PA2G4: variants seen among roughly 807,000 people sequenced by gnomAD.
PA2G4 encodes proliferation-associated protein 2G4.
A neutral mutation model predicts 53.3 loss-of-function variants in PA2G4; 8 were observed. That is an observed-to-expected ratio of 0.15 (90% CI 0.09 to 0.27). PA2G4 has a LOEUF of 0.27. Among genes scored for constraint, PA2G4 ranks in the 10% least tolerant of loss-of-function variants. The probability of loss-of-function intolerance (pLI) is 1.00; values close to 1 mark genes in which losing one functional copy is unlikely to be tolerated. For synonymous variants in PA2G4, 143 were observed against 169.8 expected (o/e 0.84, Z 1.23); for missense variants, 208 against 486.8 (o/e 0.43, Z 5.39).
chr12:56,109,752 G>A (rs1316114875), intron 6 of PA2G4, 105 bp from the exon 7 acceptor site: 3 of 770,080 alleles, frequency 3.9e-6, no homozygotes, highest in South Asian at 1.5e-5. Context: ...TCCATAACCA[G>A]GTAGTTGTCT....
Position 56,112,880 on chromosome 12 carries a change from G to C in PA2G4, c.1177G>C (p.Gly393Arg). Residue 393 changes from glycine to arginine, a missense_variant, in exon 13 of 13, where the codon GGG becomes CGG. Gly to Arg is a moderately radical substitution (Grantham distance 125). Coordinates refer to ENST00000303305, the MANE Select transcript of PA2G4 (RefSeq NM_006191.3). Reference sequence around the variant, plus strand: ...GGAAACATTAGAAGAAAATGAAGCTGGGGACTGAGGTGGGTCCCATCTCCC... The same window carrying C: ...GGAAACATTAGAAGAAAATGAAGCTCGGGACTGAGGTGGGTCCCATCTCCC... ...SGETLEENEA[G>R]D is the part of the protein sequence containing the mutation. 1 of 1,568,752 alleles carries C rather than the reference G, an allele frequency of 6.4e-7. No homozygotes were observed. The highest frequency in any genetic ancestry group is 8.6e-7 in the Non-Finnish European group (1 of 1,163,306).
At chr12:56,112,070 C>T (rs1421616370) in intron 12 of PA2G4, among the ~76,000 whole-genome samples, 3 of 152,138 alleles carry the variant, frequency 2.0e-5, no homozygotes. Flanking sequence ...GCCGAGATCG[C>T]ACCATTGCGC....
intron 2 of PA2G4, 130 bp downstream of exon 2, chr12:56,106,846 G>A (rs78341715): frequency 8.3e-5 from 110 of 1,320,054 alleles, no homozygotes; most frequent in Non-Finnish European, 1.1e-4. Context: ...ATTTGGAATG[G>A]CAAGTGGGAT....
At chr12:56,106,316 C>T in intron 1 of PA2G4, 1 of 293,196 alleles carries the variant, frequency 3.4e-6, no homozygotes, top group Non-Finnish European at 6.3e-6. Flanking sequence ...GTGGGGATAC[C>T]ATGGCAAGAA....
chr12:56,110,967 A>G lies in PA2G4; in HGVS notation c.846A>G (p.Ala282=), dbSNP rs1869409325. 1.9e-6 allele frequency: 3 copies of G among 1,612,354 alleles called. No homozygotes were observed. Among genetic ancestry groups the G allele is most frequent in the Non-Finnish European group, 2.5e-6 (3 of 1,179,666 alleles). ...RFDAMPFTLR[A]FEDEKKARMG... is the part of the protein sequence containing the mutation. ...TGAATATCATCTTCCCTGCCAGAGC[A>G]TTTGAAGATGAGAAGAAGGCTCGGA... The change falls in exon 10 of 13, where the codon GCA becomes GCG. Residue 282 remains alanine, a synonymous_variant. Transcript: ENST00000303305.
intron 12 of PA2G4, among the ~76,000 whole-genome samples, 155 bp from the exon 13 acceptor site, chr12:56,112,668 A>T (rs1289330802): frequency 6.6e-6 from 1 of 152,094 alleles, no homozygotes; most frequent in Non-Finnish European, 1.5e-5. Flanking sequence ...AGGTGAGAGG[A>T]TCACCTGAGC....
Position 56,107,616 on chromosome 12 carries a change from A to G in PA2G4, c.486+3A>G. ...GCCTGGTCAAACCTGGAAATCAGGTAAGCTATTTTATCCAATTCCAAAGCT... is the reference window on the plus strand; with the variant it reads ...GCCTGGTCAAACCTGGAAATCAGGTGAGCTATTTTATCCAATTCCAAAGCT... On this transcript the variant is annotated splice_donor_region_variant and intron_variant, in intron 5 of 12. Coordinates refer to ENST00000303305, the MANE Select transcript of PA2G4 (RefSeq NM_006191.3). 1 of 1,606,908 alleles carries G rather than the reference A, an allele frequency of 6.2e-7. No individual in the cohort carries two copies. Among genetic ancestry groups the G allele is most frequent in the Non-Finnish European group, 8.5e-7 (1 of 1,173,444 alleles).
chr12:56,111,407 A>G (rs1592236510), intron 11 of PA2G4, 69 bp from the exon 12 acceptor site: 2 of 1,604,852 alleles, frequency 1.2e-6, no homozygotes, highest in East Asian at 4.5e-5. Context: ...TGCAGTACTG[A>G]AAGTAACCCT....
In PA2G4 at chr12:56,109,385, T is replaced by A. The variant is rs1869370292; in HGVS notation, c.550+92T>A. ...CTGTAATCCCAGAACTTTGGGAGGCTGAGGTGGGCGGATCACCTGAGGTCA... is the reference window on the plus strand; with the variant it reads ...CTGTAATCCCAGAACTTTGGGAGGCAGAGGTGGGCGGATCACCTGAGGTCA... On this transcript the variant is annotated intron_variant, in intron 6 of 12. Coordinates refer to ENST00000303305, the MANE Select transcript of PA2G4 (RefSeq NM_006191.3). 89 of 890,658 alleles carry A rather than the reference T, an allele frequency of 1.0e-4. 1 individual carries two copies. The South Asian group carries it at 1.2e-3, about 12-fold the overall frequency. The allele number at this position is 890,658 out of a possible 1,614,324, so 55.2% of individuals were successfully genotyped here. A position where few individuals can be genotyped will look rare whatever the true frequency, so the allele number is the denominator to read the frequency against.
intron 12 of PA2G4, 78 bp from the exon 13 acceptor site, chr12:56,112,745 A>G: frequency 1.0e-6 from 1 of 991,742 alleles, no homozygotes; most frequent in Non-Finnish European, 1.5e-6. Flanking sequence ...AAAAAAAAAT[A>G]CTTTTATCTC....
chr12:56,107,060 G>C lies in PA2G4; in HGVS notation c.288G>C (p.Gln96His). Residue 96 changes from glutamine to histidine, a missense_variant, in exon 3 of 13, where the codon CAG (glutamine) becomes CAC (histidine). Physicochemically the swap from Gln to His is conservative, Grantham distance 24. Transcript: ENST00000303305. ...ACTTCTCCCCTTTGAAGAGCGACCAGGATTATATTCTCAAGGAAGGTGACT... is the reference window on the plus strand; with the variant it reads ...ACTTCTCCCCTTTGAAGAGCGACCACGATTATATTCTCAAGGAAGGTGACT... ...VCHFSPLKSD[Q>H]DYILKEGDLV... 1 of 1,613,784 alleles carries C rather than the reference G, an allele frequency of 6.2e-7. No homozygotes were observed. The highest frequency in any genetic ancestry group is 8.5e-7 in the Non-Finnish European group (1 of 1,179,674).
intron 1 of PA2G4, among the ~76,000 whole-genome samples, chr12:56,105,577 T>C (rs1869283367): frequency 6.6e-6 from 1 of 152,254 alleles, no homozygotes; most frequent in Non-Finnish European, 1.5e-5. Flanking sequence ...CTCAGTGACT[T>C]GACAACTCAA....
intron 5 of PA2G4, among the ~76,000 whole-genome samples, chr12:56,107,865 CAA>C (rs574625425): frequency 8.6e-5 from 13 of 151,752 alleles, no homozygotes; most frequent in African/African-American, 2.9e-4. Flanking sequence ...CCCATTTCTA[CAA>C]AAAATACAAA....
Position 56,105,105 on chromosome 12 carries a change from C to A in PA2G4, c.88+280C>A. ...CGAGGCCGTTTGTTAGGAGGCAAGA[C>A]GTGTTTTCTCTTGTTCCTATCCTTC... On this transcript the variant is annotated intron_variant, in intron 1 of 12. Coordinates refer to ENST00000303305, the MANE Select transcript of PA2G4 (RefSeq NM_006191.3). 4 of 671,578 alleles carry A rather than the reference C, an allele frequency of 6.0e-6. No homozygotes were observed. In the East Asian group the frequency reaches 1.2e-4, roughly 19 times the overall value. The allele number at this position is 671,578 out of a possible 1,614,324, so 41.6% of individuals were successfully genotyped here. A position where few individuals can be genotyped will look rare whatever the true frequency, so the allele number is the denominator to read the frequency against.
chr12:56,107,384 G>A, intron 4 of PA2G4, 128 bp downstream of exon 4: 1 of 1,036,512 alleles, frequency 9.6e-7, no homozygotes, highest in Non-Finnish European at 1.5e-6. Context: ...AAGGAGAAAG[G>A]TTTTTGTTGT....
rs1869464351 is a variant in PA2G4 at position 56,113,048 on chromosome 12, CA to C, written c.*162del. On this transcript the variant is annotated 3_prime_UTR_variant, in exon 13 of 13. Coordinates refer to ENST00000303305, the MANE Select transcript of PA2G4 (RefSeq NM_006191.3). ...TCCCCAACCCACTCCCTTCCAACAA[CA>C]ACCAGCTCCAACTGACTCTGGTCTT... The C allele has an allele frequency of 2.0e-6, 1 of 490,676 alleles. No individual in the cohort carries two copies. The highest frequency in any genetic ancestry group is 3.5e-6 in the Non-Finnish European group (1 of 282,360). The allele number at this position is 490,676 out of a possible 1,614,324, so 30.4% of individuals were successfully genotyped here.
intron 9 of PA2G4, 48 bp from the exon 10 acceptor site, chr12:56,110,916 A>G (rs757374677): frequency 1.9e-6 from 3 of 1,546,126 alleles, no homozygotes; most frequent in African/African-American, 2.7e-5. Flanking sequence ...AAATGGTAAG[A>G]CTTGATGGGG....
Position 56,110,721 on chromosome 12 carries a change from A to C in PA2G4, c.842+29A>C, listed in dbSNP as rs765628573. The C allele has an allele frequency of 5.6e-6, 9 of 1,613,366 alleles. No individual in the cohort carries two copies. The Admixed American group carries it at 1.5e-4, about 27-fold the overall frequency. On this transcript the variant is annotated intron_variant, in intron 9 of 12. Coordinates refer to ENST00000303305, the MANE Select transcript of PA2G4 (RefSeq NM_006191.3). ...CTAAGCAATGATAGTACTTGGAACC[A>C]GTCTGACTCACAGACCATACACCCA...
At chr12:56,111,569 C>T (rs755594570) in intron 12 of PA2G4, 40 bp downstream of exon 12, 2 of 1,551,082 alleles carry the variant, frequency 1.3e-6, no homozygotes, top group South Asian at 2.2e-5. Flanking sequence ...CAGGGTGAAC[C>T]TGATCCCTCT....
Sources: allele counts gnomAD v4.1 joint callset (sites outside exome capture counted in the v4.1 genomes callset), GRCh38; gene constraint gnomAD v4.1.1; transcripts MANE v1.5; gene names NCBI Gene and HGNC (gene_info 2026-07-23, HGNC 2026-07-21).